The following PIGL variants were observed in gnomAD, a reference collection of about 807,000 sequenced individuals.
PIGL encodes the protein N-acetylglucosaminyl-phosphatidylinositol de-N-acetylase.
PIGL carries 22 observed loss-of-function variants against 31.1 expected under a neutral mutation model. The observed-to-expected ratio is 0.71, with a 90% CI of 0.51 to 1.01. PIGL has a LOEUF of 1.01. Among genes scored for constraint, PIGL ranks in the 50% least tolerant of loss-of-function variants. PIGL has a pLI of 0.00. For synonymous variants in PIGL, 131 were observed against 117.4 expected, an observed-to-expected ratio of 1.12 and a Z score of -0.75; for missense variants, 302 against 315.9, an observed-to-expected ratio of 0.96 and a Z score of 0.33.
At chr17:16,265,343 G>A (rs2142757761) in intron 2 of PIGL, among the ~76,000 whole-genome samples, 1 of 152,308 alleles carries the variant, frequency 6.6e-6, no homozygotes, top group African/African-American at 2.4e-5. Context: ...TAGGACAGAT[G>A]ATTTAGGGCT....
chr17:16,317,540 G>A (rs2093083152), intron 5 of PIGL: 6 of 1,258,398 alleles, frequency 4.8e-6, no homozygotes, highest in Admixed American at 3.3e-5. Context: ...CCTTTTTCTG[G>A]TAGGGCACAC....
intron 2 of PIGL, among the ~76,000 whole-genome samples, chr17:16,298,130 C>A (rs1409230086): frequency 6.6e-6 from 1 of 152,078 alleles, no homozygotes; most frequent in African/African-American, 2.4e-5. Context: ...GGTTGGGGAC[C>A]ACTGCCATAA....
intron 2 of PIGL, among the ~76,000 whole-genome samples, chr17:16,260,841 C>T (rs551137700): frequency 1.4e-4 from 22 of 152,124 alleles, no homozygotes; most frequent in East Asian, 3.9e-4. Context: ...GTAATACAGC[C>T]GGTCACAGTG....
rs539059106 is a variant in PIGL at position 16,326,118 on chromosome 17, A to T, written c.*220A>T. On this transcript the variant is annotated 3_prime_UTR_variant, in exon 7 of 7. Coordinates refer to ENST00000225609, the MANE Select transcript of PIGL (RefSeq NM_004278.4). ...CCAAAAACAAACCACCCCAAGGATA[A>T]TAATAGCTACACTGCTAGCTTCTCA... 61 of 550,202 alleles carry T rather than the reference A, an allele frequency of 1.1e-4. No homozygotes were observed. Among genetic ancestry groups the T allele is most frequent in the African/African-American group, 9.1e-4 (48 of 52,864 alleles). 34.1% of individuals were successfully genotyped at this position (550,202 alleles called of 1,614,324 possible). A position where few individuals can be genotyped will look rare whatever the true frequency, so the allele number is the denominator to read the frequency against.
intron 5 of PIGL, chr17:16,317,430 C>CA: frequency 9.8e-7 from 1 of 1,023,000 alleles, no homozygotes; most frequent in Non-Finnish European, 1.2e-6. Flanking sequence ...TCTTGACTGA[C>CA]AGAGCTGGAA....
chr17:16,324,195 C>T (rs1312525043), intron 6 of PIGL, among the ~76,000 whole-genome samples: 1 of 151,804 alleles, frequency 6.6e-6, no homozygotes, highest in Non-Finnish European at 1.5e-5. Flanking sequence ...AAACTCCTGA[C>T]CTCAAGTGAT....
chr17:16,295,237 G>A (rs1257924280), intron 2 of PIGL, among the ~76,000 whole-genome samples: 1 of 150,998 alleles, frequency 6.6e-6, no homozygotes, highest in African/African-American at 2.4e-5. Flanking sequence ...AACCCTGTCT[G>A]TACTGAAAAT....
intron 2 of PIGL, among the ~76,000 whole-genome samples, chr17:16,265,958 G>A (rs1200264018): frequency 2.0e-5 from 3 of 151,984 alleles, no homozygotes; most frequent in African/African-American, 7.3e-5. Context: ...CATGAGGAAG[G>A]GGAACTGAGG....
chr17:16,285,756 TC>T (rs765687139), intron 2 of PIGL, among the ~76,000 whole-genome samples: 9 of 151,794 alleles, frequency 5.9e-5, no homozygotes, highest in Non-Finnish European at 1.3e-4. Flanking sequence ...TTTTTCTTTT[TC>T]TCAGATCGCC....
intron 1 of PIGL, 143 bp downstream of exon 1, chr17:16,217,604 G>T (rs2092595812): frequency 1.5e-6 from 1 of 655,748 alleles, no homozygotes; most frequent in Admixed American, 3.0e-5. Context: ...ACCCCTCACA[G>T]CCTAGGGACA....
intron 2 of PIGL, among the ~76,000 whole-genome samples, chr17:16,273,127 T>G (rs1007900465): frequency 1.4e-4 from 22 of 152,230 alleles, no homozygotes; most frequent in African/African-American, 7.2e-5. Context: ...GTCAAGTCCT[T>G]GCCCTCAAGG....
At chr17:16,320,252 A>AGG in intron 6 of PIGL, among the ~76,000 whole-genome samples, 2 of 85,394 alleles carry the variant, frequency 2.3e-5, no homozygotes, top group African/African-American at 9.0e-5. Context: ...GAAGGAAGGA[A>AGG]AGGAGGGAGG....
intron 2 of PIGL, among the ~76,000 whole-genome samples, chr17:16,236,059 C>T (rs1173840019): frequency 2.0e-5 from 3 of 152,092 alleles, no homozygotes; most frequent in Non-Finnish European, 4.4e-5. Context: ...ATCTATAATT[C>T]TTTTGTAAAA....
intron 2 of PIGL, among the ~76,000 whole-genome samples, chr17:16,288,506 A>G (rs1007898278): frequency 2.6e-5 from 4 of 151,022 alleles, no homozygotes; most frequent in Non-Finnish European, 5.9e-5. Flanking sequence ...CGTCCAGCCT[A>G]TTACTATTAT....
chr17:16,301,570 ATTTTT>A (rs3034004), intron 3 of PIGL, among the ~76,000 whole-genome samples: 3 of 112,330 alleles, frequency 2.7e-5, no homozygotes, highest in Non-Finnish European at 5.4e-5. Context: ...CCAATTTTTA[ATTTTT>A]TTTTTTTTTT....
At chr17:16,266,858 A>G (rs554083173) in intron 2 of PIGL, among the ~76,000 whole-genome samples, 30 of 142,460 alleles carry the variant, frequency 2.1e-4, no homozygotes, top group African/African-American at 7.3e-4. Context: ...CAGCCTCCCA[A>G]AGTGCTGGGA....
intron 3 of PIGL, among the ~76,000 whole-genome samples, chr17:16,311,889 C>T (rs951118566): frequency 6.6e-6 from 1 of 152,218 alleles, no homozygotes; most frequent in South Asian, 2.1e-4. Flanking sequence ...AATCTGATTT[C>T]TCTATCTTTT....
At chr17:16,225,383 CTTT>C (rs948575134) in intron 1 of PIGL, among the ~76,000 whole-genome samples, 9 of 97,564 alleles carry the variant, frequency 9.2e-5, no homozygotes, top group Admixed American at 3.3e-4. Context: ...AAGCACGTTT[CTTT>C]TTTTTTTTTT....
At position 16,325,977 on chromosome 17, in the gene PIGL, C is replaced by CT; in HGVS notation, c.*81dup. 2 of 1,019,266 alleles carry CT rather than the reference C, an allele frequency of 2.0e-6. No individual in the cohort carries two copies. Among genetic ancestry groups the CT allele is most frequent in the Admixed American group, 1.8e-5 (1 of 55,268 alleles). The allele number at this position is 1,019,266 out of a possible 1,614,324, so 63.1% of individuals were successfully genotyped here. A position where few individuals can be genotyped will look rare whatever the true frequency, so the allele number is the denominator to read the frequency against. ...TGCAGAGGACCTGGCCTGGCACTGG[C>CT]TTATTTACCTGAGCTCAAGGAGATC... On this transcript the variant is annotated 3_prime_UTR_variant, in exon 7 of 7. Transcript: ENST00000225609.
Sources: allele counts gnomAD v4.1 joint callset (sites outside exome capture counted in the v4.1 genomes callset), GRCh38; gene constraint gnomAD v4.1.1; transcripts MANE v1.5; gene names NCBI Gene and HGNC (gene_info 2026-07-23, HGNC 2026-07-21).